The following FARSB variants were observed in gnomAD, a reference collection of about 807,000 sequenced individuals.
FARSB encodes the protein phenylalanyl-tRNA synthetase subunit beta.
A neutral mutation model predicts 69.6 loss-of-function variants in FARSB; 40 were observed. The observed-to-expected ratio is 0.57, with a 90% CI of 0.45 to 0.75. The LOEUF (loss-of-function observed/expected upper bound fraction) is 0.75, where lower values mean the gene tolerates loss of function less well. Ranked by LOEUF, FARSB falls within the 30% of genes least tolerant of loss-of-function variation. The pLI is 0.00. For synonymous variants in FARSB, 235 were observed against 247.2 expected, an observed-to-expected ratio of 0.95 and a Z score of 0.46; for missense variants, 632 against 722.9, an observed-to-expected ratio of 0.87 and a Z score of 1.44.
chr2:222,613,635 T>C (rs1374775595), intron 15 of FARSB, among the ~76,000 whole-genome samples, 176 bp downstream of exon 15: 2 of 152,122 alleles, frequency 1.3e-5, no homozygotes, highest in African/African-American at 2.4e-5. Context: ...ATATGGGAAG[T>C]TGATAGTGGT....
intron 15 of FARSB, 84 bp from the exon 16 acceptor site, chr2:222,600,167 G>T: frequency 1.7e-6 from 2 of 1,183,154 alleles, no homozygotes; most frequent in South Asian, 1.6e-5. Flanking sequence ...CTTAGAAAAA[G>T]TCAACAAAAA....
chr2:222,603,667 A>G (rs1045553977), intron 15 of FARSB, among the ~76,000 whole-genome samples: 16 of 133,886 alleles, frequency 1.2e-4, no homozygotes, highest in Non-Finnish European at 2.2e-4. Context: ...TATTATTAAT[A>G]TAATTAATAT....
intron 13 of FARSB, 152 bp from the exon 14 acceptor site, chr2:222,619,889 T>C (rs1306745533): frequency 6.0e-6 from 3 of 501,030 alleles, no homozygotes; most frequent in East Asian, 5.8e-5. Flanking sequence ...CTGAAGTAAA[T>C]GTAATAATAA....
Position 222,642,748 on chromosome 2 carries a change from T to C in FARSB, c.269+103A>G, listed in dbSNP as rs983310665. Reference sequence around the variant, plus strand: ...CTATTGAGAGCTAAAGCTACGTTCCTCTACAAGCTTTTTCCTAGAAATTTA... The same window carrying C: ...CTATTGAGAGCTAAAGCTACGTTCCCCTACAAGCTTTTTCCTAGAAATTTA... On this transcript the variant is annotated intron_variant, in intron 3 of 16. Coordinates refer to ENST00000281828, the MANE Select transcript of FARSB (RefSeq NM_005687.5). 3.6e-6 allele frequency: 3 copies of C among 824,540 alleles called. No homozygotes were observed. The African/African-American group carries it at 5.1e-5, about 14-fold the overall frequency. 51.1% of individuals were successfully genotyped at this position (824,540 alleles called of 1,614,324 possible).
At chr2:222,579,195 G>A (rs145774148) in intron 16 of FARSB, among the ~76,000 whole-genome samples, 232 of 152,318 alleles carry the variant, frequency 1.5e-3, no homozygotes, top group African/African-American at 5.4e-3. Flanking sequence ...AATAAGGGCC[G>A]TGGAATCAGC....
intron 2 of FARSB, 103 bp downstream of exon 2, chr2:222,648,637 C>A: frequency 1.2e-6 from 1 of 800,162 alleles, no homozygotes; most frequent in Non-Finnish European, 2.2e-6. Flanking sequence ...AACATTATCA[C>A]CTTAGTCTAA....
intron 16 of FARSB, among the ~76,000 whole-genome samples, chr2:222,579,863 C>CA (rs1201386290): frequency 2.0e-5 from 3 of 152,182 alleles, no homozygotes; most frequent in Non-Finnish European, 4.4e-5. Flanking sequence ...TTACACATTC[C>CA]AAAATGCTTT....
chr2:222,632,057 G>A (rs1021944602), intron 7 of FARSB, among the ~76,000 whole-genome samples: 4 of 152,076 alleles, frequency 2.6e-5, no homozygotes, highest in East Asian at 1.9e-4. Context: ...GCAATGGCAC[G>A]ACATGGTGCA....
chr2:222,624,626 T>G, intron 11 of FARSB, 88 bp downstream of exon 11: 3 of 973,850 alleles, frequency 3.1e-6, no homozygotes, highest in Non-Finnish European at 4.7e-6. Context: ...TGTTTTATCA[T>G]TCCTTAACAG....
In FARSB at chr2:222,626,975, G is replaced by C. The variant is rs376503359; in HGVS notation, c.900+1862C>G. ...GGCGTGAACCCAGGAGGCAGAGCTT[G>C]CAGTGAGCCGAGATCGCGCCACTGC... On this transcript the variant is annotated intron_variant, in intron 10 of 16. Coordinates refer to ENST00000281828, the MANE Select transcript of FARSB (RefSeq NM_005687.5). 3.9e-5 allele frequency among the ~76,000 whole-genome samples: 6 copies of C among 152,302 alleles called. No homozygotes were observed. The East Asian group carries it at 5.8e-4, about 15-fold the overall frequency.
intron 13 of FARSB, among the ~76,000 whole-genome samples, chr2:222,620,256 T>G (rs552624279): frequency 8.5e-5 from 13 of 152,312 alleles, no homozygotes; most frequent in African/African-American, 3.1e-4. Flanking sequence ...GTCAGAAACT[T>G]TCTCTCCCTC....
chr2:222,651,644 A>C (rs1290036096), intron 1 of FARSB, among the ~76,000 whole-genome samples: 1 of 152,234 alleles, frequency 6.6e-6, no homozygotes, highest in African/African-American at 2.4e-5. Flanking sequence ...GCAGAAACTC[A>C]ATATATTTCA....
At position 222,630,402 on chromosome 2, in the gene FARSB, G is replaced by A. The variant is rs1005082441; in HGVS notation, c.787-228C>T. 3.3e-5 allele frequency among the ~76,000 whole-genome samples: 5 copies of A among 152,236 alleles called. No homozygotes were observed. In the South Asian group the frequency reaches 6.2e-4, roughly 19 times the overall value. ...TTATAATCCATGACTGAGACAAATC[G>A]TTTCGTTCCCCAACCCCCAACCTCA... On this transcript the variant is annotated intron_variant, in intron 8 of 16. Transcript: ENST00000281828.
intron 15 of FARSB, among the ~76,000 whole-genome samples, chr2:222,604,626 G>A (rs1021583467): frequency 7.2e-5 from 11 of 151,952 alleles, no homozygotes; most frequent in African/African-American, 2.7e-4. Context: ...CATGATCTTG[G>A]CTCATTGCAG....
rs191887366 is a variant in FARSB at position 222,603,261 on chromosome 2, T to C, written c.1463-3178A>G. On this transcript the variant is annotated intron_variant, in intron 15 of 16. Transcript: ENST00000281828. The stretch of plus-strand genomic sequence containing the variant: ...AAAGCTGCTTCATGTTAGCATACAT[T>C]GAGCAAAACTTCTTCCACGGATTTA... Among the ~76,000 whole-genome samples the C allele has an allele frequency of 1.5e-3, 227 of 152,328 alleles. 1 individual carries two copies. The highest frequency in any genetic ancestry group is 0.01 in the Middle Eastern group (3 of 294).
At chr2:222,607,636 G>A (rs1210720079) in intron 15 of FARSB, among the ~76,000 whole-genome samples, 2 of 151,020 alleles carry the variant, frequency 1.3e-5, no homozygotes, top group East Asian at 3.9e-4. Context: ...GGACTAAGGA[G>A]AAGTTGGATA....
intron 15 of FARSB, among the ~76,000 whole-genome samples, chr2:222,609,929 T>C (rs1559201395): frequency 6.6e-6 from 1 of 152,168 alleles, no homozygotes; most frequent in Admixed American, 6.5e-5. Context: ...CCACCCCAAA[T>C]TGATACAAGG....
intron 15 of FARSB, among the ~76,000 whole-genome samples, chr2:222,606,292 T>C (rs1297090396): frequency 2.0e-5 from 3 of 152,210 alleles, no homozygotes; most frequent in Non-Finnish European, 4.4e-5. Flanking sequence ...CCATTCCTCC[T>C]TGAAATTGCT....
At chr2:222,606,604 G>A (rs1054214300) in intron 15 of FARSB, among the ~76,000 whole-genome samples, 1 of 152,150 alleles carries the variant, frequency 6.6e-6, no homozygotes. Flanking sequence ...AAGGAGGGGC[G>A]GCTAGCTACA....
Sources: gnomAD v4.1 joint callset for allele counts (sites outside exome capture counted in the v4.1 genomes callset) on GRCh38, gnomAD v4.1.1 for gene constraint, MANE v1.5 for transcripts, NCBI Gene and HGNC (gene_info 2026-07-23, HGNC 2026-07-21) for gene names.